Variants in CCNG1 observed in about 807,000 individuals in gnomAD.
CCNG1 encodes the protein cyclin-G1.
CCNG1 carries 13 observed loss-of-function variants against 30.0 expected under a neutral mutation model. The observed-to-expected ratio is 0.43, with a 90% CI of 0.28 to 0.69. CCNG1 has a LOEUF of 0.69. Ranked by LOEUF, CCNG1 falls within the 30% of genes least tolerant of loss-of-function variation. CCNG1 has a pLI of 0.16. For synonymous variants in CCNG1, 110 were observed against 121.5 expected (o/e 0.91, Z 0.62); for missense variants, 285 against 331.4 (o/e 0.86, Z 1.09).
rs1412668956 is a variant in CCNG1, at chr5:163,443,204, C to T, written c.*4-470C>T. Reference sequence around the variant, plus strand: ...GCGGGCGCCTGTAGTCCCAGCTACTCGGGAGGCTGAGGCAGGAGAATGGCG... The same window carrying T: ...GCGGGCGCCTGTAGTCCCAGCTACTTGGGAGGCTGAGGCAGGAGAATGGCG... On this transcript the variant is annotated intron_variant, in intron 6 of 6. Coordinates refer to ENST00000340828, the MANE Select transcript of CCNG1 (RefSeq NM_004060.4). 2.7e-5 allele frequency among the ~76,000 whole-genome samples: 4 copies of T among 150,622 alleles called. No individual in the cohort carries two copies. The South Asian group carries it at 6.3e-4, about 24-fold the overall frequency.
intron 2 of CCNG1, among the ~76,000 whole-genome samples, chr5:163,440,258 T>A: frequency 6.6e-6 from 1 of 152,188 alleles, no homozygotes; most frequent in East Asian, 1.9e-4. Context: ...CTAATTAAGC[T>A]CTTTAGACAT....
At chr5:163,439,153 G>GA (rs1226811744) in intron 1 of CCNG1, 104 bp from the exon 2 acceptor site, 2 of 965,994 alleles carry the variant, frequency 2.1e-6, no homozygotes, top group Non-Finnish European at 3.1e-6. Context: ...CGCATTGGGG[G>GA]ATGGGAGGCT....
the CCNG1 span, chr5:163,457,223 C>T: frequency 1.3e-5 from 11 of 854,754 alleles, no homozygotes; most frequent in Non-Finnish European, 1.9e-5. Context: ...CCTCCGCCCC[C>T]CGGGTTCAAG....
At chr5:163,447,596 T>C (rs1758072010), downstream of CCNG1, 1 of 152,138 alleles carries the variant, frequency 6.6e-6, no homozygotes, top group South Asian at 2.1e-4. Context: ...AATGGAATAA[T>C]ACTAATAACC....
At chr5:163,451,020 G>A (rs1371908059), downstream of CCNG1, 2 of 152,180 alleles carry the variant, frequency 1.3e-5, no homozygotes, top group Non-Finnish European at 2.9e-5. Context: ...CATGTAAAGT[G>A]AAGGAAGCCA....
rs758110726 is a variant in CCNG1 at position 163,442,125 on chromosome 5, T to C, written c.678T>C (p.Cys226=). 3 of 1,607,636 alleles carry C rather than the reference T, an allele frequency of 1.9e-6. No homozygotes were observed. Among genetic ancestry groups the C allele is most frequent in the Non-Finnish European group, 2.6e-6 (3 of 1,174,752 alleles). Residue 226 remains cysteine (C), a synonymous_variant, in exon 5 of 7, where the codon TGT becomes TGC. Transcript: ENST00000340828. ...TAGAGTTAACAGAAGGAATAGAATG[T>C]CTTCAGAAACATTCCAAGGTATGTG... is the stretch of plus-strand genomic sequence containing the variant. ...KCVELTEGIE[C]LQKHSKINGR...
chr5:163,456,419 A>G, the CCNG1 span, among the ~76,000 whole-genome samples: 1 of 152,218 alleles, frequency 6.6e-6, no homozygotes, highest in South Asian at 2.1e-4. Context: ...AAGCAGTTAA[A>G]AAGAATGAGT....
At position 163,442,407 on chromosome 5, in the gene CCNG1, C is replaced by T; in HGVS notation, c.730C>T (p.Leu244Phe). ...CAGAGATCTGACCTTCTGGCAAGAG[C>T]TTGTATCCAAATGTTTAACTGAATA... ...NGRDLTFWQE[L>F]VSKCLTEYSS... The change falls in exon 6 of 7, where the codon CTT becomes TTT. Residue 244 changes from leucine to phenylalanine, a missense_variant. By Grantham distance (22) the Leu-to-Phe change is conservative (BLOSUM62 0). Coordinates refer to ENST00000340828, the MANE Select transcript of CCNG1 (RefSeq NM_004060.4). 1 of 1,613,418 alleles carries T rather than the reference C, an allele frequency of 6.2e-7. No homozygotes were observed. The highest frequency in any genetic ancestry group is 8.5e-7 in the Non-Finnish European group (1 of 1,179,744).
At position 163,439,271 on chromosome 5, in the gene CCNG1, GACA is replaced by G. The variant is rs1282191016; in HGVS notation, c.21_23del (p.Thr8del). On this transcript the variant is annotated inframe_deletion, in exon 2 of 7. Coordinates refer to ENST00000340828, the MANE Select transcript of CCNG1 (RefSeq NM_004060.4). ...TCTATATATAGATGATAGAGGTACT[GACA>G]ACAACTGACTCTCAGAAACTGCTAC... is the stretch of plus-strand genomic sequence containing the variant. 3.1e-6 allele frequency: 5 copies of G among 1,613,216 alleles called. No individual in the cohort carries two copies. Among genetic ancestry groups the G allele is most frequent in the Non-Finnish European group, 4.2e-6 (5 of 1,179,946 alleles).
chr5:163,437,935 CAGGCTAGTCCG>C (rs998620470), intron 1 of CCNG1, 131 bp downstream of exon 1: 6 of 152,408 alleles, frequency 3.9e-5, no homozygotes, highest in African/African-American at 1.4e-4. Flanking sequence ...AGCACAAGCC[CAGGCTAGTCCG>C]AGGCTGGAGG....
rs1157489285 is a variant in CCNG1, at chr5:163,443,277, A to C, written c.*4-397A>C. Reference sequence around the variant, plus strand: ...CAGTGAGCTGAGATCGCGCCACTACACTCCAGCCTGGGCGACAGAGCAAGA... The same window carrying C: ...CAGTGAGCTGAGATCGCGCCACTACCCTCCAGCCTGGGCGACAGAGCAAGA... On this transcript the variant is annotated intron_variant, in intron 6 of 6. Coordinates refer to ENST00000340828, the MANE Select transcript of CCNG1 (RefSeq NM_004060.4). 5.4e-5 allele frequency among the ~76,000 whole-genome samples: 8 copies of C among 148,114 alleles called. No individual in the cohort carries two copies. The East Asian group carries it at 1.6e-3, about 30-fold the overall frequency.
chr5:163,441,155 T>C lies in CCNG1; in HGVS notation c.342T>C (p.Asn114=), dbSNP rs761549223. ...LAVKSIEEER[N]VPLATDLIRI... ...TAAAATCAATAGAAGAGGAAAGGAATGTCCCATTGGCAACTGACTTGATCC... is the reference window on the plus strand; with the variant it reads ...TAAAATCAATAGAAGAGGAAAGGAACGTCCCATTGGCAACTGACTTGATCC... The change falls in exon 3 of 7, where the codon AAT becomes AAC. Residue 114 remains asparagine, a synonymous_variant. Transcript: ENST00000340828. 22 of 1,614,002 alleles carry C rather than the reference T, an allele frequency of 1.4e-5. No individual in the cohort carries two copies. The highest frequency in any genetic ancestry group is 1.9e-5 in the Non-Finnish European group (22 of 1,179,888).
downstream of CCNG1, chr5:163,451,005 T>G (rs781660244): frequency 2.0e-5 from 3 of 152,182 alleles, no homozygotes; most frequent in Non-Finnish European, 4.4e-5. Context: ...ATGAACCTCT[T>G]AAGACATGTA....
intron 2 of CCNG1, 101 bp from the exon 3 acceptor site, chr5:163,440,969 TCAAATATA>T (rs1478047829): frequency 1.7e-6 from 2 of 1,195,200 alleles, no homozygotes; most frequent in Admixed American, 2.5e-5. Flanking sequence ...GAAATAAACC[TCAAATATA>T]CATTTTCAAA....
chr5:163,455,083 T>A, the CCNG1 span, among the ~76,000 whole-genome samples: 1 of 151,960 alleles, frequency 6.6e-6, no homozygotes, highest in Non-Finnish European at 1.5e-5. Context: ...TGGGCCAAAT[T>A]TGGCCCAAGG....
intron 1 of CCNG1, among the ~76,000 whole-genome samples, chr5:163,438,921 G>T (rs1206509697): frequency 6.6e-6 from 1 of 151,720 alleles, no homozygotes; most frequent in East Asian, 1.9e-4. Flanking sequence ...AGCTCCTCGG[G>T]AGGCTGAGGC....
the CCNG1 span, chr5:163,457,140 T>TTG: frequency 1.6e-6 from 1 of 619,400 alleles, no homozygotes; most frequent in Non-Finnish European, 2.1e-6. Context: ...CATCAAGTTG[T>TTG]TTTTTTTTTT....
intron 6 of CCNG1, 43 bp downstream of exon 6, chr5:163,442,611 C>T (rs760459789): frequency 1.4e-6 from 2 of 1,430,996 alleles, no homozygotes; most frequent in Non-Finnish European, 1.9e-6. Flanking sequence ...AGAACATTTT[C>T]CAATGCCATA....
At chr5:163,443,487 A>G (rs144016678) in intron 6 of CCNG1, among the ~76,000 whole-genome samples, 187 bp from the exon 7 acceptor site, 29 of 152,296 alleles carry the variant, frequency 1.9e-4, no homozygotes, top group African/African-American at 6.5e-4. Flanking sequence ...CATATGTGAT[A>G]TACATTCTTG....
Sources: gnomAD v4.1 joint callset for allele counts (sites outside exome capture counted in the v4.1 genomes callset) on GRCh38, gnomAD v4.1.1 for gene constraint, MANE v1.5 for transcripts, NCBI Gene and HGNC (gene_info 2026-07-23, HGNC 2026-07-21) for gene names.